The following ZMAT4 variants were observed in gnomAD, a reference collection of about 807,000 sequenced individuals.
The protein encoded by ZMAT4 is zinc finger matrin-type 4.
Under a neutral mutation model 28.7 loss-of-function variants are expected in ZMAT4, and 17 were observed. That is an observed-to-expected ratio of 0.59 (90% confidence interval 0.41 to 0.89). ZMAT4 has a LOEUF of 0.89. ZMAT4 is among the 40% of genes least tolerant of loss of function. The probability of loss-of-function intolerance (pLI) is 0.00; values close to 1 mark genes in which losing one functional copy is unlikely to be tolerated. For synonymous variants in ZMAT4, 117 were observed against 109.2 expected, an observed-to-expected ratio of 1.07 and a Z score of -0.44; for missense variants, 240 against 283.8, an observed-to-expected ratio of 0.85 and a Z score of 1.11.
At chr8:40,583,145 A>C (rs976872414) in intron 5 of ZMAT4, among the ~76,000 whole-genome samples, 1 of 152,192 alleles carries the variant, frequency 6.6e-6, no homozygotes, top group Non-Finnish European at 1.5e-5. Context: ...AAGGGATTGC[A>C]CAGAACTACC....
intron 2 of ZMAT4, among the ~76,000 whole-genome samples, chr8:40,781,317 C>T (rs190784574): frequency 1.3e-5 from 2 of 152,166 alleles, no homozygotes; most frequent in South Asian, 2.1e-4. Flanking sequence ...CTAAAACTCA[C>T]GTGGACTCAG....
intron 2 of ZMAT4, among the ~76,000 whole-genome samples, chr8:40,819,478 C>T (rs1037716567): frequency 2.0e-5 from 3 of 152,112 alleles, no homozygotes; most frequent in African/African-American, 4.8e-5. Context: ...ACCTTCAGCC[C>T]CTAGCCTGTG....
rs373014018 is a variant in ZMAT4, at chr8:40,877,124, C to T, written c.-5+20559G>A. On this transcript the variant is annotated intron_variant, in intron 1 of 6. Coordinates refer to ENST00000297737, the MANE Select transcript of ZMAT4 (RefSeq NM_024645.3). Reference sequence around the variant, plus strand: ...GGAAATCTGGACACAGTGACAGACACGCATAGAGGGAAGATGCGATGAAGA... The same window carrying T: ...GGAAATCTGGACACAGTGACAGACATGCATAGAGGGAAGATGCGATGAAGA... 2.6e-4 allele frequency among the ~76,000 whole-genome samples: 40 copies of T among 152,282 alleles called. 1 individual carries two copies. Among genetic ancestry groups the T allele is most frequent in the African/African-American group, 8.4e-4 (35 of 41,552 alleles).
At chr8:40,656,204 T>C (rs1285881758) in intron 5 of ZMAT4, among the ~76,000 whole-genome samples, 1 of 151,970 alleles carries the variant, frequency 6.6e-6, no homozygotes. Flanking sequence ...AAAGACACAA[T>C]CTCATTAGCC....
intron 5 of ZMAT4, among the ~76,000 whole-genome samples, chr8:40,582,517 C>T (rs1563350315): frequency 1.3e-5 from 2 of 151,952 alleles, no homozygotes; most frequent in African/African-American, 4.8e-5. Context: ...ATATATACAA[C>T]AATGTTTAGC....
At chr8:40,672,682 A>C (rs544559251) in intron 5 of ZMAT4, among the ~76,000 whole-genome samples, 1 of 152,354 alleles carries the variant, frequency 6.6e-6, no homozygotes, top group African/African-American at 2.4e-5. Flanking sequence ...TCTTCAAGTC[A>C]TAATAACTGG....
intron 6 of ZMAT4, among the ~76,000 whole-genome samples, chr8:40,542,063 G>T (rs886462014): frequency 6.6e-6 from 1 of 152,192 alleles, no homozygotes; most frequent in African/African-American, 2.4e-5. Context: ...TTTGTTGGGG[G>T]GAGGAATGTG....
At chr8:40,808,443 C>T (rs1266760195) in intron 2 of ZMAT4, 1 of 399,386 alleles carries the variant, frequency 2.5e-6, no homozygotes, top group African/African-American at 2.1e-5. Flanking sequence ...TAAGAGACAG[C>T]TTGGCAATAA....
At chr8:40,545,140 A>G (rs902189078) in intron 6 of ZMAT4, among the ~76,000 whole-genome samples, 1 of 151,914 alleles carries the variant, frequency 6.6e-6, no homozygotes, top group African/African-American at 2.4e-5. Context: ...ACAACCCACA[A>G]GGAACCAAAT....
At chr8:40,732,538 T>C (rs1421763474) in intron 3 of ZMAT4, among the ~76,000 whole-genome samples, 1 of 152,234 alleles carries the variant, frequency 6.6e-6, no homozygotes, top group Non-Finnish European at 1.5e-5. Flanking sequence ...CTCTTCTCCC[T>C]GGTAGGAACA....
At chr8:40,711,560 C>G (rs532575443) in intron 3 of ZMAT4, among the ~76,000 whole-genome samples, 3 of 152,302 alleles carry the variant, frequency 2.0e-5, no homozygotes, top group African/African-American at 7.2e-5. Flanking sequence ...ACACAATCAG[C>G]AAAACCTATA....
chr8:40,634,056 C>T (rs533886036), intron 5 of ZMAT4, among the ~76,000 whole-genome samples: 90 of 152,248 alleles, frequency 5.9e-4, no homozygotes, highest in Admixed American at 9.8e-4. Context: ...CTGCTGTCCA[C>T]ATGCACCCAA....
At chr8:40,749,865 T>A (rs1812386403) in intron 3 of ZMAT4, among the ~76,000 whole-genome samples, 1 of 152,216 alleles carries the variant, frequency 6.6e-6, no homozygotes. Context: ...CTTCCTTAGA[T>A]CATTTGCAAA....
intron 5 of ZMAT4, among the ~76,000 whole-genome samples, chr8:40,667,515 C>A (rs1335669397): frequency 6.6e-6 from 1 of 152,120 alleles, no homozygotes; most frequent in Non-Finnish European, 1.5e-5. Context: ...TGTGAGGATC[C>A]ACTTACAATG....
chr8:40,695,557 T>C (rs1809845799), intron 4 of ZMAT4, among the ~76,000 whole-genome samples: 1 of 152,232 alleles, frequency 6.6e-6, no homozygotes, highest in Non-Finnish European at 1.5e-5. Context: ...AGGGCTGAGC[T>C]AGTCCCATGA....
chr8:40,660,569 G>A (rs2118852547), intron 5 of ZMAT4, among the ~76,000 whole-genome samples: 1 of 152,212 alleles, frequency 6.6e-6, no homozygotes, highest in East Asian at 1.9e-4. Flanking sequence ...TTTCTCTAAG[G>A]TGACTCCACT....
Position 40,610,514 on chromosome 8 carries a change from A to ATT in ZMAT4, c.578-29255_578-29254dup, listed in dbSNP as rs201896477. Among the ~76,000 whole-genome samples, 1,435 of 152,056 alleles carry ATT rather than the reference A, an allele frequency of 9.4e-3. 23 individuals are homozygous for ATT. Among genetic ancestry groups the ATT allele is most frequent in the African/African-American group, 0.033 (1,352 of 41,468 alleles). On this transcript the variant is annotated intron_variant, in intron 5 of 6. Coordinates refer to ENST00000297737, the MANE Select transcript of ZMAT4 (RefSeq NM_024645.3). ...TCAACCAAATTCTATATATATATAT[A>ATT]TTTTCATTTCATTTGTCTGGGAAGC...
At chr8:40,856,707 A>C (rs376702082) in intron 1 of ZMAT4, among the ~76,000 whole-genome samples, 2 of 152,186 alleles carry the variant, frequency 1.3e-5, no homozygotes, top group African/African-American at 4.8e-5. Context: ...ATGGGTGGGC[A>C]TCCCCTTTCC....
At chr8:40,682,535 CCA>C (rs966412699) in intron 4 of ZMAT4, among the ~76,000 whole-genome samples, 3 of 152,142 alleles carry the variant, frequency 2.0e-5, no homozygotes, top group African/African-American at 7.2e-5. Flanking sequence ...CTACCCAGCC[CCA>C]TGAGATAGAA....
Sources: gnomAD v4.1 joint callset for allele counts (sites outside exome capture counted in the v4.1 genomes callset) on GRCh38, gnomAD v4.1.1 for gene constraint, MANE v1.5 for transcripts, NCBI Gene and HGNC (gene_info 2026-07-23, HGNC 2026-07-21) for gene names.